AHI1: variants seen among roughly 807,000 people sequenced by gnomAD.
AHI1 encodes Abelson helper integration site 1.
AHI1 carries 123 observed loss-of-function variants against 149.3 expected under a neutral mutation model. That is an observed-to-expected ratio of 0.82 (90% confidence interval 0.71 to 0.96). The LOEUF is 0.96. AHI1 is among the 40% of genes least tolerant of loss of function. The probability of loss-of-function intolerance (pLI) is 0.00; values close to 1 mark genes in which losing one functional copy is unlikely to be tolerated. For missense variants in AHI1, 1,439 were observed against 1,422.7 expected (o/e 1.01, Z -0.18); for synonymous variants, 475 against 459.8 (o/e 1.03, Z -0.42).
chr6:135,364,673 C>T (rs1051884696), intron 23 of AHI1, among the ~76,000 whole-genome samples: 9 of 152,120 alleles, frequency 5.9e-5, no homozygotes, highest in African/African-American at 1.4e-4. Context: ...GCGGATCACT[C>T]GCGGTTAGGA....
chr6:135,311,555 T>G lies in AHI1; in HGVS notation c.3426+6964A>C, dbSNP rs867117164. On this transcript the variant is annotated intron_variant, in intron 26 of 28. Coordinates refer to ENST00000265602, the MANE Select transcript of AHI1 (RefSeq NM_001134831.2). ...ACTATGAACATGTTATTTTTTATAG[T>G]AGAACAACTCTAGTAATTAAAACAA... is the stretch of plus-strand genomic sequence containing the variant. Among the ~76,000 whole-genome samples, 105 of 152,300 alleles carry G rather than the reference T, an allele frequency of 6.9e-4. 2 individuals carry two copies. Among genetic ancestry groups the G allele is most frequent in the South Asian group, 8.3e-4 (4 of 4,826 alleles).
intron 25 of AHI1, 138 bp downstream of exon 25, chr6:135,323,024 A>G (rs1236413932): frequency 3.3e-6 from 3 of 901,294 alleles, no homozygotes; most frequent in Non-Finnish European, 4.6e-6. Context: ...TTTTTACATC[A>G]TGAGAATGAA....
intron 23 of AHI1, among the ~76,000 whole-genome samples, chr6:135,373,785 G>A (rs1371055139): frequency 6.6e-6 from 1 of 152,068 alleles, no homozygotes; most frequent in Admixed American, 6.6e-5. Context: ...CATATGTCCA[G>A]CAATCTTATG....
chr6:135,373,317 C>T (rs1404423849), intron 23 of AHI1, among the ~76,000 whole-genome samples: 3 of 152,120 alleles, frequency 2.0e-5, no homozygotes, highest in Non-Finnish European at 4.4e-5. Flanking sequence ...ACATGCTGTA[C>T]AGGTTTGTAG....
intron 27 of AHI1, among the ~76,000 whole-genome samples, 175 bp downstream of exon 27, chr6:135,300,325 C>CA (rs557417336): frequency 0.016 from 1,072 of 65,280 alleles, 8 homozygotes; most frequent in Middle Eastern, 0.037. Flanking sequence ...ACTCTGTCTC[C>CA]AAAAAAAAAA....
At chr6:135,362,846 T>G (rs1281709989) in intron 23 of AHI1, among the ~76,000 whole-genome samples, 1 of 152,144 alleles carries the variant, frequency 6.6e-6, no homozygotes, top group Non-Finnish European at 1.5e-5. Flanking sequence ...TCTTTTGCTG[T>G]GCAGAAGCCT....
intron 27 of AHI1, among the ~76,000 whole-genome samples, chr6:135,292,710 TC>T (rs1290491916): frequency 2.0e-5 from 3 of 152,004 alleles, no homozygotes; most frequent in Non-Finnish European, 4.4e-5. Flanking sequence ...AGACTTAAAA[TC>T]CGTAATTAAA....
intron 24 of AHI1, among the ~76,000 whole-genome samples, chr6:135,337,688 G>A (rs1789602027): frequency 6.6e-6 from 1 of 151,602 alleles, no homozygotes; most frequent in South Asian, 2.1e-4. Context: ...CTTGAACCCA[G>A]GAGGTCAAGG....
intron 10 of AHI1, among the ~76,000 whole-genome samples, chr6:135,453,781 T>C (rs969521812): frequency 3.9e-5 from 6 of 152,158 alleles, no homozygotes; most frequent in African/African-American, 1.4e-4. Context: ...TAAAGGATTG[T>C]TTGTTTAAAA....
intron 26 of AHI1, chr6:135,301,054 C>T (rs1300743664): frequency 7.1e-6 from 7 of 984,880 alleles, no homozygotes; most frequent in East Asian, 2.3e-4. Context: ...ATGGCACCTT[C>T]GTGAGAAAAA....
chr6:135,489,956 G>T, intron 5 of AHI1: 1 of 409,870 alleles, frequency 2.4e-6, no homozygotes, highest in Non-Finnish European at 4.3e-6. Context: ...TTTCTGTGAG[G>T]ACAGAAGAGA....
rs1452466621 is a variant in AHI1, at chr6:135,354,841, A to G, written c.3165+3291T>C. On this transcript the variant is annotated intron_variant, in intron 24 of 28. Transcript: ENST00000265602. ...TCATTCAGGACAAAAATTAGTGAAA[A>G]GAAAGCCACACATTTAACCATCAAA... Among the ~76,000 whole-genome samples the G allele has an allele frequency of 2.6e-5, 4 of 152,200 alleles. No individual in the cohort carries two copies. The East Asian group carries it at 5.8e-4, about 22-fold the overall frequency.
intron 24 of AHI1, among the ~76,000 whole-genome samples, chr6:135,351,195 G>C (rs1214155636): frequency 6.6e-6 from 1 of 151,532 alleles, no homozygotes; most frequent in African/African-American, 2.4e-5. Context: ...AGCTGTGGGA[G>C]GCAACATTCA....
At chr6:135,362,638 C>T (rs1334829760) in intron 23 of AHI1, among the ~76,000 whole-genome samples, 1 of 152,066 alleles carries the variant, frequency 6.6e-6, no homozygotes, top group Non-Finnish European at 1.5e-5. Context: ...TTTTCATATG[C>T]TTGTTGGCCA....
intron 24 of AHI1, 80 bp from the exon 25 acceptor site, chr6:135,323,404 G>T: frequency 2.0e-6 from 3 of 1,477,574 alleles, no homozygotes; most frequent in South Asian, 1.2e-5. Flanking sequence ...TCCTCTTGCA[G>T]AAGAGCAGCT....
intron 24 of AHI1, among the ~76,000 whole-genome samples, chr6:135,339,054 A>T (rs994446309): frequency 1.3e-5 from 2 of 151,988 alleles, no homozygotes; most frequent in Non-Finnish European, 2.9e-5. Context: ...CAGCCTCCCA[A>T]GTAGCTGGGA....
At chr6:135,474,174 C>T (rs772999933) in intron 5 of AHI1, among the ~76,000 whole-genome samples, 1 of 152,164 alleles carries the variant, frequency 6.6e-6, no homozygotes, top group Non-Finnish European at 1.5e-5. Flanking sequence ...CAATACTTTC[C>T]GTTTAAAAAG....
intron 11 of AHI1, among the ~76,000 whole-genome samples, chr6:135,453,010 G>C (rs1254024407): frequency 6.6e-6 from 1 of 152,130 alleles, no homozygotes; most frequent in Non-Finnish European, 1.5e-5. Flanking sequence ...AGGAGTTCAA[G>C]GAATTTGTCA....
intron 5 of AHI1, among the ~76,000 whole-genome samples, chr6:135,486,334 A>G (rs1424567567): frequency 6.6e-6 from 1 of 152,210 alleles, no homozygotes; most frequent in Non-Finnish European, 1.5e-5. Flanking sequence ...AGCATGCTCT[A>G]GGTTTGTTGC....
Sources: allele counts gnomAD v4.1 joint callset (sites outside exome capture counted in the v4.1 genomes callset), GRCh38; gene constraint gnomAD v4.1.1; transcripts MANE v1.5; gene names NCBI Gene and HGNC (gene_info 2026-07-23, HGNC 2026-07-21).